CD99L2: variants seen among roughly 807,000 people sequenced by gnomAD.
CD99L2 encodes the protein CD99 molecule like 2.
CD99L2 carries 24 observed loss-of-function variants against 27.3 expected under a neutral mutation model. The ratio of observed to expected loss-of-function variants is 0.88; its 90% CI spans 0.64 to 1.24. The LOEUF (loss-of-function observed/expected upper bound fraction) is 1.24. Among genes scored for constraint, CD99L2 ranks in the 50% most tolerant of loss-of-function variants. The pLI is 0.00. For synonymous variants in CD99L2, 97 were observed against 87.9 expected (o/e 1.10, Z -0.58); for missense variants, 255 against 221.6 (o/e 1.15, Z -0.96).
At chrX:150,890,339 C>T (rs1315112578) in intron 1 of CD99L2, among the ~76,000 whole-genome samples, 2 of 108,610 alleles carry the variant, frequency 1.8e-5, no homozygotes, top group African/African-American at 6.7e-5. Flanking sequence ...ATTAGCTGGG[C>T]GAGGTGGCAG....
Position 150,769,112 on chromosome X carries a change from A to AT in CD99L2, c.722-12_722-11insA. On this transcript the variant is annotated splice_polypyrimidine_tract_variant and intron_variant, in intron 10 of 10. Coordinates refer to ENST00000370377, the MANE Select transcript of CD99L2 (RefSeq NM_031462.4). ...ACGTGGAGTATTTCACTAGGGGAAA[A>AT]AGAGGCCGTCAGAAGGAATTCTGCT... The AT allele has an allele frequency of 8.6e-7, 1 of 1,161,800 alleles. No homozygotes were observed.
At chrX:150,890,987 T>C (rs929102844) in intron 1 of CD99L2, among the ~76,000 whole-genome samples, 1 of 112,940 alleles carries the variant, frequency 8.9e-6, no homozygotes. Flanking sequence ...CCCTCAGATA[T>C]GCTTCTAAAC....
At chrX:150,769,559 G>A (rs1412711360) in intron 10 of CD99L2, among the ~76,000 whole-genome samples, 1 of 112,349 alleles carries the variant, frequency 8.9e-6, no homozygotes, top group East Asian at 2.8e-4. Flanking sequence ...TAGGGCACCT[G>A]GCTCCCAGTA....
intron 8 of CD99L2, chrX:150,776,958 T>C: frequency 7.3e-6 from 1 of 137,687 alleles, no homozygotes. Context: ...AAAGCAGGGG[T>C]AGAGGTGGGG....
chrX:150,774,373 G>A (rs142396680), intron 9 of CD99L2, among the ~76,000 whole-genome samples: 324 of 111,393 alleles, frequency 2.9e-3, no homozygotes, highest in South Asian at 4.9e-3. Context: ...CCCTGGCCAG[G>A]TCCTTGCTCC....
intron 1 of CD99L2, among the ~76,000 whole-genome samples, chrX:150,840,267 A>G (rs1264569295): frequency 9.0e-6 from 1 of 111,494 alleles, no homozygotes; most frequent in Non-Finnish European, 1.9e-5. Context: ...AAGAAAGAAA[A>G]AAAGGTAATG....
At chrX:150,838,589 T>TATAA (rs2046568755) in intron 1 of CD99L2, among the ~76,000 whole-genome samples, 1 of 105,966 alleles carries the variant, frequency 9.4e-6, no homozygotes, top group South Asian at 4.1e-4. Flanking sequence ...ATCCAGGATA[T>TATAA]ATAACCTCAA....
intron 2 of CD99L2, chrX:150,828,300 A>C: frequency 9.0e-6 from 1 of 111,514 alleles, no homozygotes; most frequent in Admixed American, 9.5e-5. Context: ...CTTACTGAGC[A>C]CTCACCTTGT....
intron 3 of CD99L2, 120 bp downstream of exon 3, chrX:150,815,887 A>G (rs2046146011): frequency 8.9e-6 from 6 of 673,943 alleles, no homozygotes; most frequent in Non-Finnish European, 2.4e-6. Flanking sequence ...GTTCACATGG[A>G]TGCCTTGATT....
intron 1 of CD99L2, among the ~76,000 whole-genome samples, chrX:150,876,173 T>C (rs1225568006): frequency 8.9e-6 from 1 of 112,223 alleles, no homozygotes; most frequent in Admixed American, 9.5e-5. Flanking sequence ...AAGCCTTACA[T>C]TTTTCAGAAT....
intron 1 of CD99L2, among the ~76,000 whole-genome samples, chrX:150,892,077 C>T (rs1243517057): frequency 1.8e-5 from 2 of 109,844 alleles, no homozygotes; most frequent in Non-Finnish European, 3.8e-5. Flanking sequence ...AAAAATTAGC[C>T]GGGTGTGGTG....
chrX:150,842,326 G>C (rs1018773368), intron 1 of CD99L2, among the ~76,000 whole-genome samples: 11 of 111,771 alleles, frequency 9.8e-5, no homozygotes, highest in Non-Finnish European at 1.9e-4. Flanking sequence ...CCTTTGGGAA[G>C]GAACACAAGC....
At position 150,768,713 on chromosome X, in the gene CD99L2, C is replaced by T. The variant is rs1035698744; in HGVS notation, c.*321G>A. 2 of 300,127 alleles carry T rather than the reference C, an allele frequency of 6.7e-6. No homozygotes were observed. The highest frequency in any genetic ancestry group is 1.1e-5 in the Non-Finnish European group (2 of 177,675). 24.7% of individuals were successfully genotyped at this position (300,127 alleles called of 1,213,427 possible). On this transcript the variant is annotated 3_prime_UTR_variant, in exon 11 of 11. Transcript: ENST00000370377. Reference sequence around the variant, plus strand: ...AAGCATAAATGTCATCAGGCCTCAGCATCATCTTGGCCCCCGCATCCTGTG... The same window carrying T: ...AAGCATAAATGTCATCAGGCCTCAGTATCATCTTGGCCCCCGCATCCTGTG...
At chrX:150,889,235 G>T (rs1272888214) in intron 1 of CD99L2, among the ~76,000 whole-genome samples, 1 of 112,623 alleles carries the variant, frequency 8.9e-6, no homozygotes, top group South Asian at 3.6e-4. Context: ...TCAGGATAAG[G>T]CCTGCTGCCT....
At chrX:150,863,688 T>C (rs782468467) in intron 1 of CD99L2, among the ~76,000 whole-genome samples, 2 of 112,573 alleles carry the variant, frequency 1.8e-5, no homozygotes, top group African/African-American at 6.4e-5. Flanking sequence ...CCCAAATTCA[T>C]ACCCAACCAA....
chrX:150,782,660 G>A (rs1477984272), intron 7 of CD99L2, among the ~76,000 whole-genome samples: 2 of 111,771 alleles, frequency 1.8e-5, no homozygotes, highest in Non-Finnish European at 3.8e-5. Context: ...CCTCACATCT[G>A]AAACATCCTA....
rs111395631 is a variant in CD99L2, at chrX:150,859,499, CTTT to C, written c.68-28209_68-28207del. ...AGGCAACAACAGCGAAACTCTGTCT[CTTT>C]TTTTTTTTTTTTGAGATGGACTTTT... On this transcript the variant is annotated intron_variant, in intron 1 of 10. Coordinates refer to ENST00000370377, the MANE Select transcript of CD99L2 (RefSeq NM_031462.4). 6.2e-5 allele frequency among the ~76,000 whole-genome samples: 6 copies of C among 96,871 alleles called. No homozygotes were observed. In the East Asian group the frequency reaches 1.3e-3, roughly 21 times the overall value. The allele number at this position is 96,871 out of a possible 115,157, so 84.1% of individuals were successfully genotyped here. A position where few individuals can be genotyped will look rare whatever the true frequency, so the allele number is the denominator to read the frequency against.
intron 2 of CD99L2, among the ~76,000 whole-genome samples, chrX:150,825,674 A>G (rs868907714): frequency 1.8e-5 from 2 of 112,567 alleles, no homozygotes; most frequent in Non-Finnish European, 3.7e-5. Context: ...CGTAATTGAG[A>G]TGAGAAGAGT....
chrX:150,853,738 C>A (rs1326962832), intron 1 of CD99L2, among the ~76,000 whole-genome samples: 1 of 111,837 alleles, frequency 8.9e-6, no homozygotes, highest in Non-Finnish European at 1.9e-5. Context: ...AAGTGATAAG[C>A]CTTTTCTACA....
Sources: allele counts gnomAD v4.1 joint callset (sites outside exome capture counted in the v4.1 genomes callset), GRCh38; gene constraint gnomAD v4.1.1; transcripts MANE v1.5; gene names NCBI Gene and HGNC (gene_info 2026-07-23, HGNC 2026-07-21).